Variants in N4BP2L2 observed in about 807,000 individuals in gnomAD.
N4BP2L2 encodes NEDD4-binding protein 2-like 2.
A neutral mutation model predicts 56.2 loss-of-function variants in N4BP2L2; 50 were observed. The ratio of observed to expected loss-of-function variants is 0.89; its 90% CI spans 0.71 to 1.13. N4BP2L2 has a LOEUF of 1.13. Ranked by LOEUF, N4BP2L2 falls within the 50% of genes most tolerant of loss-of-function variation. The probability of loss-of-function intolerance (pLI) is 0.00; values close to 1 mark genes in which losing one functional copy is unlikely to be tolerated. For synonymous variants in N4BP2L2, 203 were observed against 223.6 expected, an observed-to-expected ratio of 0.91 and a Z score of 0.82; for missense variants, 689 against 693.8, an observed-to-expected ratio of 0.99 and a Z score of 0.08.
chr13:32,445,313 A>G (rs1249320082), intron 6 of N4BP2L2, among the ~76,000 whole-genome samples: 1 of 152,220 alleles, frequency 6.6e-6, no homozygotes, highest in African/African-American at 2.4e-5. Context: ...GTACATAAAC[A>G]TATGGTATTA....
chr13:32,510,010 T>G (rs2091522824), downstream of N4BP2L2, among the ~76,000 whole-genome samples: 1 of 152,128 alleles, frequency 6.6e-6, no homozygotes, highest in African/African-American at 2.4e-5. Flanking sequence ...ATTTAAGTTA[T>G]TTACAAAGCA....
chr13:32,442,594 G>A (rs752914996), exon 7 of N4BP2L2: 44 of 1,613,724 alleles, frequency 2.7e-5, no homozygotes, highest in Non-Finnish European at 3.6e-5. Flanking sequence ...CAAAGAGCAC[G>A]AAGTATCAGG....
At position 32,538,081 on chromosome 13, in the gene N4BP2L2, G is replaced by T. The variant is rs868565390; in HGVS notation, c.-1+537C>A. ...GGGAGACCCCGTCTTGGGGGGGGGG[G>T]GCGGTTACTTCCCCTGAAATGCCTT... On this transcript the variant is annotated intron_variant, in intron 1 of 5. Coordinates refer to ENST00000267068, the Ensembl canonical transcript of N4BP2L2. Among the ~76,000 whole-genome samples, 736 of 136,596 alleles carry T rather than the reference G, an allele frequency of 5.4e-3. 9 individuals are homozygous for T. The highest frequency in any genetic ancestry group is 0.011 in the Middle Eastern group (3 of 274). The allele number at this position is 136,596 out of a possible 152,430, so 89.6% of individuals were successfully genotyped here. A position where few individuals can be genotyped will look rare whatever the true frequency, so the allele number is the denominator to read the frequency against.
At chr13:32,506,417 C>T (rs1593944469), downstream of N4BP2L2, 1 of 152,190 alleles carries the variant, frequency 6.6e-6, no homozygotes, top group Admixed American at 6.5e-5. Context: ...ATGGATAATT[C>T]ATCCCATAAC....
chr13:32,438,134 T>TA (rs750611040), intron 8 of N4BP2L2, among the ~76,000 whole-genome samples: 1 of 152,214 alleles, frequency 6.6e-6, no homozygotes, highest in South Asian at 2.1e-4. Context: ...TCAGAACATT[T>TA]AAAATCCTCT....
intron 6 of N4BP2L2, among the ~76,000 whole-genome samples, chr13:32,458,571 TTTAGCAATAGGATATAA>T (rs1324126852): frequency 6.6e-6 from 1 of 152,130 alleles, no homozygotes; most frequent in East Asian, 1.9e-4. Context: ...AATGGACTGA[TTTAGCAATAGGATATAA>T]TAATACTAAA....
upstream of N4BP2L2, chr13:32,538,810 T>C (rs1490591583): frequency 2.0e-6 from 2 of 985,378 alleles, no homozygotes; most frequent in African/African-American, 1.7e-5. Context: ...ACCTCTCGGT[T>C]ACCCAGGCCA....
intron 1 of N4BP2L2, among the ~76,000 whole-genome samples, chr13:32,537,388 T>C (rs1433647873): frequency 6.6e-6 from 1 of 152,118 alleles, no homozygotes; most frequent in East Asian, 1.9e-4. Flanking sequence ...AGATACACAA[T>C]TGTGTATTTA....
intron 6 of N4BP2L2, among the ~76,000 whole-genome samples, chr13:32,487,338 T>A (rs1258795185): frequency 1.3e-5 from 2 of 151,614 alleles, no homozygotes; most frequent in African/African-American, 4.8e-5. Context: ...TATCTGGGCA[T>A]GGTGGCATGT....
intron 6 of N4BP2L2, among the ~76,000 whole-genome samples, chr13:32,445,350 T>C (rs1394585546): frequency 1.3e-5 from 2 of 152,268 alleles, no homozygotes; most frequent in Admixed American, 1.3e-4. Context: ...CTGTCATATA[T>C]ATGTTCTGTT....
At chr13:32,538,826 A>T, upstream of N4BP2L2, 1 of 985,480 alleles carries the variant, frequency 1.0e-6, no homozygotes, top group Non-Finnish European at 1.2e-6. Flanking sequence ...GGCCAAAACT[A>T]GGCGTTTGCG....
rs146905913 is a variant in N4BP2L2, at chr13:32,489,777, A to C, written c.365+28080T>G. Among the ~76,000 whole-genome samples the C allele has an allele frequency of 5.3e-5, 8 of 152,208 alleles. No homozygotes were observed. The East Asian group carries it at 9.6e-4, about 18-fold the overall frequency. ...CAATTCCCCTCCTGAAAAAAAAAAA[A>C]AAAACTTGCAGTTCATTTCCAATGC... On this transcript the variant is annotated intron_variant, in intron 6 of 9. Coordinates refer to the N4BP2L2 transcript ENST00000357505.
intron 2 of N4BP2L2, among the ~76,000 whole-genome samples, chr13:32,528,317 G>T (rs1048900392): frequency 6.6e-6 from 1 of 152,190 alleles, no homozygotes; most frequent in East Asian, 1.9e-4. Context: ...ATCCTCTAGT[G>T]AAAGTCGGAA....
intron 6 of N4BP2L2, among the ~76,000 whole-genome samples, chr13:32,488,939 G>A (rs1389986832): frequency 6.6e-6 from 1 of 152,140 alleles, no homozygotes; most frequent in Admixed American, 6.5e-5. Context: ...AACTCATGGT[G>A]GCACACACCT....
At chr13:32,535,732 T>C in intron 2 of N4BP2L2, 37 bp downstream of exon 2, 1 of 1,565,376 alleles carries the variant, frequency 6.4e-7, no homozygotes, top group Non-Finnish European at 8.7e-7. Flanking sequence ...TTTTAAATAA[T>C]GAATTACCAA....
At chr13:32,535,537 T>A (rs1257224775) in intron 2 of N4BP2L2, among the ~76,000 whole-genome samples, 2 of 152,212 alleles carry the variant, frequency 1.3e-5, no homozygotes, top group African/African-American at 4.8e-5. Context: ...AAAGCACTTG[T>A]CAGTGATTAC....
intron 6 of N4BP2L2, among the ~76,000 whole-genome samples, chr13:32,452,930 A>C (rs1207947): frequency 0.36 from 54,165 of 152,128 alleles, 11,041 homozygotes; most frequent in East Asian, 0.68. Flanking sequence ...AAGGAAAATA[A>C]TGAAAAGATA....
At position 32,438,723 on chromosome 13, in the gene N4BP2L2, C is replaced by G. The variant is rs529010960; in HGVS notation, c.2119G>C (p.Asp707His). ...CAGTCAAGGGGAACCACATAGTCATCAGGCAACAAGGATTCTGTGAAAGAA... is the reference window on the plus strand; with the variant it reads ...CAGTCAAGGGGAACCACATAGTCATGAGGCAACAAGGATTCTGTGAAAGAA... The change falls in exon 8 of 10, where the codon GAT becomes CAT. Residue 707 changes from aspartate (D) to histidine (H), a missense_variant. Transcript: ENST00000357505. 4.4e-6 allele frequency: 7 copies of G among 1,608,318 alleles called. No individual in the cohort carries two copies. The African/African-American group carries it at 6.7e-5, about 15-fold the overall frequency.
rs773265488 is a variant in N4BP2L2 at position 32,443,324 on chromosome 13, T to G, written c.1168A>C (p.Arg390=). 2.5e-5 allele frequency: 41 copies of G among 1,613,904 alleles called. 1 individual carries two copies. In the South Asian group the frequency reaches 4.2e-4, roughly 16 times the overall value. The change falls in exon 7 of 10, where the codon AGA becomes CGA. Residue 390 remains arginine, a synonymous_variant. Transcript: ENST00000357505. ...TCAGGACCAGCCAACTTACATGCTC[T>G]ATCTTTCTTTGGTCTCTGTTCACAT... is the stretch of plus-strand genomic sequence containing the variant.
Sources: gnomAD v4.1 joint callset for allele counts (sites outside exome capture counted in the v4.1 genomes callset) on GRCh38, gnomAD v4.1.1 for gene constraint, MANE v1.5 for transcripts, NCBI Gene and HGNC (gene_info 2026-07-23, HGNC 2026-07-21) for gene names.